RAB40C: variants seen among roughly 807,000 people sequenced by gnomAD.
RAB40C encodes RAB40C, member RAS oncogene family.
RAB40C carries 8 observed loss-of-function variants against 28.1 expected under a neutral mutation model. The ratio of observed to expected loss-of-function variants is 0.28; its 90% CI spans 0.17 to 0.51. The LOEUF is 0.51. Ranked by LOEUF, RAB40C falls within the 20% of genes least tolerant of loss-of-function variation. RAB40C has a pLI of 0.97. For missense variants in RAB40C, 288 were observed against 405.9 expected (o/e 0.71, Z 2.50); for synonymous variants, 201 against 171.7 (o/e 1.17, Z -1.34).
At position 624,810 on chromosome 16, in the gene RAB40C, C is replaced by G; in HGVS notation, c.265-622C>G. ...GCTCTGAGTGTGAGCAGTGTGCTCC[C>G]CTGTGCTGCTGGAGAGCCATGACTG... is the stretch of plus-strand genomic sequence containing the variant. On this transcript the variant is annotated intron_variant, in intron 3 of 5. Transcript: ENST00000248139. The G allele has an allele frequency of 3.0e-6, 3 of 985,448 alleles. No individual in the cohort carries two copies. In the South Asian group the frequency reaches 1.4e-4, roughly 46 times the overall value. 61.0% of individuals were successfully genotyped at this position (985,448 alleles called of 1,614,324 possible).
intron 1 of RAB40C, among the ~76,000 whole-genome samples, chr16:600,497 G>A (rs769909352): frequency 1.3e-5 from 2 of 152,132 alleles, no homozygotes; most frequent in Non-Finnish European, 2.9e-5. Context: ...TCACGCCTGT[G>A]ATCCCAGCAC....
chr16:589,717 T>C (rs150384847), upstream of RAB40C: 2,138 of 151,426 alleles, frequency 0.014, 24 homozygotes, highest in Non-Finnish European at 0.024. Context: ...CTTGGTGAAC[T>C]TATAATCGAA....
At chr16:622,383 G>A (rs541273969) in intron 3 of RAB40C, among the ~76,000 whole-genome samples, 2 of 152,152 alleles carry the variant, frequency 1.3e-5, no homozygotes, top group South Asian at 2.1e-4. Context: ...CCCCGCCCGC[G>A]AGGCATGAGC....
intron 1 of RAB40C, among the ~76,000 whole-genome samples, chr16:593,555 C>G (rs71378522): frequency 1.3e-5 from 2 of 152,242 alleles, no homozygotes; most frequent in African/African-American, 4.8e-5. Context: ...CAGCTCACAC[C>G]GGATCGCTTA....
chr16:593,949 C>T (rs1040090672), intron 1 of RAB40C, among the ~76,000 whole-genome samples: 8 of 152,130 alleles, frequency 5.3e-5, no homozygotes, highest in African/African-American at 9.7e-5. Flanking sequence ...GTGGTGCACG[C>T]GGCGGGGAGG....
chr16:629,011 G>A lies in RAB40C; in HGVS notation c.*1389G>A, dbSNP rs1230757593. On this transcript the variant is annotated 3_prime_UTR_variant, in exon 6 of 6. Transcript: ENST00000248139. ...TGCATGAACTACCAGATGAGTAAGG[G>A]AACCCCAGGCAGGCGGCCCTGCCAC... 6.4e-6 allele frequency: 1 copy of A among 155,704 alleles called. No individual in the cohort carries two copies. The highest frequency in any genetic ancestry group is 1.4e-5 in the Non-Finnish European group (1 of 70,056). 9.6% of individuals were successfully genotyped at this position (155,704 alleles called of 1,614,324 possible).
At chr16:602,429 A>G (rs1288985247) in intron 1 of RAB40C, among the ~76,000 whole-genome samples, 1 of 151,476 alleles carries the variant, frequency 6.6e-6, no homozygotes, top group Non-Finnish European at 1.5e-5. Flanking sequence ...TAATTTTTTA[A>G]TAAATTATTT....
rs530683898 is a variant in RAB40C at position 614,042 on chromosome 16, C to T, written c.143-3166C>T. On this transcript the variant is annotated intron_variant, in intron 1 of 5. Transcript: ENST00000248139. ...GGTGAACTGCCTAACTCTACCGCGTCCCGATGGTGAACTGCTAACTCTGCC... is the reference window on the plus strand; with the variant it reads ...GGTGAACTGCCTAACTCTACCGCGTTCCGATGGTGAACTGCTAACTCTGCC... Among the ~76,000 whole-genome samples the T allele has an allele frequency of 3.0e-4, 45 of 152,296 alleles. No homozygotes were observed. In the South Asian group the frequency reaches 5.8e-3, roughly 20 times the overall value.
chr16:623,401 G>A (rs2036762294), intron 3 of RAB40C, among the ~76,000 whole-genome samples: 2 of 152,248 alleles, frequency 1.3e-5, no homozygotes, highest in South Asian at 2.1e-4. Flanking sequence ...TGTCATCCCA[G>A]CACTTTGGGA....
chr16:595,209 G>C (rs912481134), intron 1 of RAB40C, among the ~76,000 whole-genome samples: 8 of 152,230 alleles, frequency 5.3e-5, no homozygotes, highest in African/African-American at 1.9e-4. Flanking sequence ...AGCGTGTGAT[G>C]AGTGTTGCCT....
intron 1 of RAB40C, among the ~76,000 whole-genome samples, chr16:605,361 T>C (rs757210492): frequency 9.2e-5 from 14 of 152,232 alleles, no homozygotes; most frequent in Non-Finnish European, 1.3e-4. Flanking sequence ...TCAGCTTTAT[T>C]GAGGTGTAAT....
intron 1 of RAB40C, 138 bp from the exon 2 acceptor site, chr16:617,070 C>T: frequency 1.1e-6 from 1 of 873,790 alleles, no homozygotes; most frequent in Admixed American, 2.0e-5. Flanking sequence ...TCCCCCTGCC[C>T]CACTGGCTGA....
rs1003890144 is a variant in RAB40C at position 623,927 on chromosome 16, C to A, written c.265-1505C>A. ...CCCCAGCCTGGCTGACAGAGTGAGACCCTGTTTCAAAAAAAAAGAAAATGC... is the reference window on the plus strand; with the variant it reads ...CCCCAGCCTGGCTGACAGAGTGAGAACCTGTTTCAAAAAAAAAGAAAATGC... On this transcript the variant is annotated intron_variant, in intron 3 of 5. Coordinates refer to ENST00000248139, the MANE Select transcript of RAB40C (RefSeq NM_021168.5). 7 of 984,476 alleles carry A rather than the reference C, an allele frequency of 7.1e-6. No individual in the cohort carries two copies. The African/African-American group carries it at 8.7e-5, about 12-fold the overall frequency. The allele number at this position is 984,476 out of a possible 1,614,324, so 61.0% of individuals were successfully genotyped here.
rs2151084561 is a variant in RAB40C at position 628,932 on chromosome 16, G to A, written c.*1310G>A. 6.5e-6 allele frequency: 1 copy of A among 153,278 alleles called. No homozygotes were observed. Among genetic ancestry groups the A allele is most frequent in the African/African-American group, 2.4e-5 (1 of 41,598 alleles). 9.5% of individuals were successfully genotyped at this position (153,278 alleles called of 1,614,324 possible). A position where few individuals can be genotyped will look rare whatever the true frequency, so the allele number is the denominator to read the frequency against. On this transcript the variant is annotated 3_prime_UTR_variant, in exon 6 of 6. Coordinates refer to ENST00000248139, the MANE Select transcript of RAB40C (RefSeq NM_021168.5). ...AGGTGGTCCCACGGAGGGTGTTACTGGGCACCAGTGGACTCGCCCCATGGC... is the reference window on the plus strand; with the variant it reads ...AGGTGGTCCCACGGAGGGTGTTACTAGGCACCAGTGGACTCGCCCCATGGC...
chr16:624,318 C>T, intron 3 of RAB40C: 2 of 985,482 alleles, frequency 2.0e-6, no homozygotes, highest in Non-Finnish European at 2.4e-6. Flanking sequence ...TGTGCCCCAA[C>T]CTCCAGGGTT....
intron 2 of RAB40C, among the ~76,000 whole-genome samples, chr16:617,548 A>T (rs1204804197): frequency 6.6e-6 from 1 of 152,188 alleles, no homozygotes; most frequent in Non-Finnish European, 1.5e-5. Context: ...CTTCACCTTA[A>T]AAAGCATTTC....
intron 1 of RAB40C, among the ~76,000 whole-genome samples, chr16:615,547 C>T (rs1023651703): frequency 1.3e-5 from 2 of 152,202 alleles, no homozygotes; most frequent in African/African-American, 4.8e-5. Context: ...TGGAAAGTTT[C>T]CAGAGGGCCC....
At chr16:623,376 G>A (rs530362631) in intron 3 of RAB40C, among the ~76,000 whole-genome samples, 342 of 151,500 alleles carry the variant, frequency 2.3e-3, no homozygotes, top group African/African-American at 7.8e-3. Flanking sequence ...TGGGCCGGGC[G>A]CGGTGGCTCA....
At chr16:594,494 C>T (rs140887455) in intron 1 of RAB40C, among the ~76,000 whole-genome samples, 17 of 152,318 alleles carry the variant, frequency 1.1e-4, no homozygotes, top group African/African-American at 2.4e-4. Flanking sequence ...CCAGCTTCTT[C>T]GGCTTCACGA....
Sources: gnomAD v4.1 joint callset for allele counts (sites outside exome capture counted in the v4.1 genomes callset) on GRCh38, gnomAD v4.1.1 for gene constraint, MANE v1.5 for transcripts, NCBI Gene and HGNC (gene_info 2026-07-23, HGNC 2026-07-21) for gene names.